The following RBMS3 variants were observed in gnomAD, a reference collection of about 807,000 sequenced individuals.
The protein encoded by RBMS3 is RNA binding motif single stranded interacting protein 3.
A neutral mutation model predicts 66.8 loss-of-function variants in RBMS3; 27 were observed. The observed-to-expected ratio is 0.40, with a 90% CI of 0.30 to 0.56. The LOEUF is 0.56. Ranked by LOEUF, RBMS3 falls within the 20% of genes least tolerant of loss-of-function variation. The pLI, the probability that RBMS3 is intolerant of heterozygous loss-of-function variation, is 0.40. For synonymous variants in RBMS3, 188 were observed against 183.0 expected (o/e 1.03, Z -0.22); for missense variants, 513 against 549.5 (o/e 0.93, Z 0.66).
chr3:29,958,306 C>T (rs1450856356), intron 12 of RBMS3, among the ~76,000 whole-genome samples: 1 of 152,080 alleles, frequency 6.6e-6, no homozygotes, highest in African/African-American at 2.4e-5. Flanking sequence ...CTTTTGAAAG[C>T]CTTTCTTTTT....
intron 6 of RBMS3, among the ~76,000 whole-genome samples, chr3:29,790,884 C>T (rs1025196699): frequency 2.6e-5 from 4 of 152,164 alleles, no homozygotes; most frequent in Non-Finnish European, 5.9e-5. Flanking sequence ...TTTACATTTA[C>T]ATTTCAAAGC....
At chr3:29,527,285 A>G (rs1036882995) in intron 3 of RBMS3, among the ~76,000 whole-genome samples, 1 of 151,968 alleles carries the variant, frequency 6.6e-6, no homozygotes, top group Non-Finnish European at 1.5e-5. Flanking sequence ...CAGAATTACA[A>G]TTTGAACTTC....
At chr3:29,447,124 G>C (rs1219397766) in intron 2 of RBMS3, among the ~76,000 whole-genome samples, 1 of 151,818 alleles carries the variant, frequency 6.6e-6, no homozygotes, top group Non-Finnish European at 1.5e-5. Flanking sequence ...TGTTGGCCAG[G>C]CTGGTCTCGA....
intron 5 of RBMS3, among the ~76,000 whole-genome samples, chr3:29,748,439 A>T (rs2055024649): frequency 6.6e-6 from 1 of 152,110 alleles, no homozygotes; most frequent in Non-Finnish European, 1.5e-5. Flanking sequence ...ATACAGTCCA[A>T]TTAGCAGTAG....
chr3:29,618,333 A>G (rs1030968239), intron 4 of RBMS3, among the ~76,000 whole-genome samples: 4 of 152,022 alleles, frequency 2.6e-5, no homozygotes, highest in African/African-American at 4.8e-5. Flanking sequence ...CATCTCTACT[A>G]CATCTCTACC....
chr3:29,522,724 C>T (rs1188171401), intron 3 of RBMS3, among the ~76,000 whole-genome samples: 1 of 152,060 alleles, frequency 6.6e-6, no homozygotes, highest in Non-Finnish European at 1.5e-5. Flanking sequence ...GTCTTTTATT[C>T]GTCTGCCAAT....
chr3:29,947,964 A>C (rs1242810976), intron 12 of RBMS3, among the ~76,000 whole-genome samples: 1 of 151,428 alleles, frequency 6.6e-6, no homozygotes, highest in Non-Finnish European at 1.5e-5. Context: ...CTAGGTTTGA[A>C]AAAAATTTTT....
intron 2 of RBMS3, among the ~76,000 whole-genome samples, chr3:29,466,325 C>T (rs1345990647): frequency 6.6e-6 from 1 of 152,076 alleles, no homozygotes; most frequent in Non-Finnish European, 1.5e-5. Flanking sequence ...GTTCAGCCTC[C>T]TGTGTTTCAC....
At chr3:29,610,496 C>T (rs1435962684) in intron 4 of RBMS3, among the ~76,000 whole-genome samples, 1 of 151,976 alleles carries the variant, frequency 6.6e-6, no homozygotes, top group Admixed American at 6.6e-5. Context: ...ATTCACTTAT[C>T]GCCCCTTCTT....
chr3:29,482,697 CTTTCTTTT>C lies in RBMS3; in HGVS notation c.249-5740_249-5733del, dbSNP rs1402361744. Among the ~76,000 whole-genome samples the C allele has an allele frequency of 5.0e-3, 461 of 92,818 alleles. 1 individual carries two copies. Among genetic ancestry groups the C allele is most frequent in the African/African-American group, 0.019 (422 of 21,990 alleles). 60.9% of individuals were successfully genotyped at this position (92,818 alleles called of 152,430 possible). ...ACACAGTCTACCATTTTCTTTCTTTCTTTCTTTTTTTTTTTTTTTTTTTTTTTTGAGAC... is the reference window on the plus strand; with the variant it reads ...ACACAGTCTACCATTTTCTTTCTTTCTTTTTTTTTTTTTTTTTTTTGAGAC... On this transcript the variant is annotated intron_variant, in intron 2 of 14. Coordinates refer to ENST00000383767, the MANE Select transcript of RBMS3 (RefSeq NM_001003793.3).
chr3:29,934,872 GATA>G (rs1006410348), intron 10 of RBMS3, among the ~76,000 whole-genome samples: 3 of 151,954 alleles, frequency 2.0e-5, no homozygotes, highest in Non-Finnish European at 2.9e-5. Flanking sequence ...GTTGAATTTC[GATA>G]ATACCAGGAA....
chr3:29,317,939 C>G (rs2034785548), intron 1 of RBMS3, among the ~76,000 whole-genome samples: 1 of 151,792 alleles, frequency 6.6e-6, no homozygotes, highest in Non-Finnish European at 1.5e-5. Flanking sequence ...TATAGTTGAA[C>G]TTCAGTGATG....
At chr3:29,327,908 T>G (rs1015476809) in intron 1 of RBMS3, among the ~76,000 whole-genome samples, 28 of 152,136 alleles carry the variant, frequency 1.8e-4, no homozygotes, top group Non-Finnish European at 4.0e-4. Context: ...AATGCTAGAA[T>G]TTTTTGAGGA....
intron 6 of RBMS3, among the ~76,000 whole-genome samples, chr3:29,842,020 C>G (rs1010084247): frequency 2.0e-5 from 3 of 152,010 alleles, no homozygotes; most frequent in Non-Finnish European, 4.4e-5. Flanking sequence ...AAATGAAGAT[C>G]TCCACAAGGA....
chr3:29,857,404 T>C (rs1205595074), intron 6 of RBMS3, among the ~76,000 whole-genome samples: 1 of 151,612 alleles, frequency 6.6e-6, no homozygotes, highest in South Asian at 2.1e-4. Context: ...CGATTTGTTT[T>C]TTCCTAGGGT....
intron 6 of RBMS3, among the ~76,000 whole-genome samples, chr3:29,796,710 A>ATTTTTTTTTTTTTTTTTTTT (rs1576829680): frequency 1.1e-5 from 1 of 93,362 alleles, no homozygotes; most frequent in African/African-American, 5.2e-5. Context: ...TTTGAAAGGA[A>ATTTTTTTTTTTTTTTTTTTT]TCTTTTTTTT....
chr3:29,952,101 G>GA (rs1472199014), intron 12 of RBMS3, among the ~76,000 whole-genome samples: 1 of 151,774 alleles, frequency 6.6e-6, no homozygotes, highest in Non-Finnish European at 1.5e-5. Flanking sequence ...GTGTGAAAAT[G>GA]AAAATAAAGA....
intron 5 of RBMS3, among the ~76,000 whole-genome samples, chr3:29,751,806 C>A (rs954675420): frequency 6.6e-6 from 1 of 152,130 alleles, no homozygotes; most frequent in African/African-American, 2.4e-5. Flanking sequence ...CACTCAAACC[C>A]CTTGTGGGAG....
chr3:29,499,780 G>C (rs1298698830), intron 3 of RBMS3, among the ~76,000 whole-genome samples: 3 of 152,122 alleles, frequency 2.0e-5, no homozygotes, highest in Non-Finnish European at 2.9e-5. Flanking sequence ...TAAACAATAG[G>C]AAGCTTAAGC....
Sources: allele counts gnomAD v4.1 joint callset (sites outside exome capture counted in the v4.1 genomes callset), GRCh38; gene constraint gnomAD v4.1.1; transcripts MANE v1.5; gene names NCBI Gene and HGNC (gene_info 2026-07-23, HGNC 2026-07-21).